Variants in SLC1A3 observed in about 807,000 individuals in gnomAD.
The protein encoded by SLC1A3 is excitatory amino acid transporter 1.
In SLC1A3, 21 loss-of-function variants were observed where a neutral mutation model predicts 48.1. The ratio of observed to expected loss-of-function variants is 0.44; its 90% confidence interval spans 0.31 to 0.63. The LOEUF (loss-of-function observed/expected upper bound fraction) is 0.63, where lower values mean the gene tolerates loss of function less well. SLC1A3 is among the 20% of genes least tolerant of loss of function. The pLI is 0.08. For missense variants in SLC1A3, 546 were observed against 689.0 expected, an observed-to-expected ratio of 0.79 and a Z score of 2.32; for synonymous variants, 239 against 251.4, an observed-to-expected ratio of 0.95 and a Z score of 0.47.
chr5:36,644,336 T>G (rs1316838348), intron 3 of SLC1A3, among the ~76,000 whole-genome samples: 1 of 152,206 alleles, frequency 6.6e-6, no homozygotes, highest in East Asian at 1.9e-4. Flanking sequence ...TTTCAAAAAT[T>G]GTAAAATTCA....
At chr5:36,673,378 TCACACA>T (rs1742074973) in intron 4 of SLC1A3, among the ~76,000 whole-genome samples, 1 of 152,280 alleles carries the variant, frequency 6.6e-6, no homozygotes, top group Admixed American at 6.5e-5. Flanking sequence ...TTGGCCAGTG[TCACACA>T]GCTGATGACA....
chr5:36,674,145 A>G (rs910300550), intron 5 of SLC1A3, 54 bp downstream of exon 5: 2 of 1,380,294 alleles, frequency 1.4e-6, no homozygotes, highest in East Asian at 2.3e-5. Flanking sequence ...TTCTATACCA[A>G]ACCAAGTGGG....
intron 3 of SLC1A3, chr5:36,636,509 C>CTTTCTT (rs1740388953): frequency 8.3e-6 from 1 of 120,072 alleles, no homozygotes; most frequent in Admixed American, 8.7e-5. Flanking sequence ...CTTTCTTTTT[C>CTTTCTT]TTTCTTTCTT....
At chr5:36,652,168 G>T (rs1438845347) in intron 3 of SLC1A3, among the ~76,000 whole-genome samples, 1 of 152,208 alleles carries the variant, frequency 6.6e-6, no homozygotes, top group Non-Finnish European at 1.5e-5. Context: ...TCTGCCGTAG[G>T]ACATGAAGTC....
chr5:36,615,520 C>G (rs1268774517), intron 2 of SLC1A3, among the ~76,000 whole-genome samples: 1 of 152,184 alleles, frequency 6.6e-6, no homozygotes, highest in Non-Finnish European at 1.5e-5. Context: ...CTTGAGGGCC[C>G]CTGGCTCTGG....
At chr5:36,679,904 A>G (rs754704599) in intron 7 of SLC1A3, 44 bp downstream of exon 7, 38 of 1,402,714 alleles carry the variant, frequency 2.7e-5, no homozygotes, top group Non-Finnish European at 3.6e-5. Context: ...TGTTACCTTG[A>G]ACCAGGGCCC....
chr5:36,608,948 T>C (rs1739081494), intron 2 of SLC1A3: 2 of 1,033,416 alleles, frequency 1.9e-6, no homozygotes, highest in Admixed American at 5.1e-5. Context: ...AATGTAATTA[T>C]ATACAATGTC....
chr5:36,604,887 C>A (rs1738862081), upstream of SLC1A3, among the ~76,000 whole-genome samples: 1 of 111,620 alleles, frequency 9.0e-6, no homozygotes, highest in South Asian at 3.4e-4. Context: ...AAGTCATTTC[C>A]ACCAAAAAAA....
chr5:36,624,578 G>A (rs1199389634), intron 2 of SLC1A3, among the ~76,000 whole-genome samples: 1 of 152,228 alleles, frequency 6.6e-6, no homozygotes, highest in Non-Finnish European at 1.5e-5. Flanking sequence ...CAATGCGTGA[G>A]GCAATGTGCT....
At chr5:36,671,938 A>G (rs371154562) in intron 4 of SLC1A3, among the ~76,000 whole-genome samples, 5 of 152,096 alleles carry the variant, frequency 3.3e-5, no homozygotes, top group African/African-American at 9.7e-5. Flanking sequence ...TCTCCCCTAC[A>G]CACCTGCCCT....
Position 36,656,848 on chromosome 5 carries a change from C to T in SLC1A3, c.320-14181C>T, listed in dbSNP as rs147961035. On this transcript the variant is annotated intron_variant, in intron 3 of 9. Transcript: ENST00000265113. ...ATGTAAACCATCGTGTATTACTATACTTCAAGGGCTGTGACCTGGAAAATC... is the reference window on the plus strand; with the variant it reads ...ATGTAAACCATCGTGTATTACTATATTTCAAGGGCTGTGACCTGGAAAATC... Among the ~76,000 whole-genome samples the T allele has an allele frequency of 5.8e-3, 886 of 152,286 alleles. 17 individuals carry two copies. The highest frequency in any genetic ancestry group is 0.02 in the African/African-American group (846 of 41,562).
intron 2 of SLC1A3, among the ~76,000 whole-genome samples, chr5:36,624,727 A>T (rs138048542): frequency 9.8e-4 from 150 of 152,358 alleles, no homozygotes; most frequent in African/African-American, 3.3e-3. Flanking sequence ...TAGTGACTGA[A>T]AATGTGTGCA....
chr5:36,600,325 C>G (rs373383084), intron 1 of SLC1A3, among the ~76,000 whole-genome samples: 2 of 152,080 alleles, frequency 1.3e-5, no homozygotes, highest in South Asian at 4.2e-4. Flanking sequence ...AAATTGAAAC[C>G]CAGACCTCAC....
Position 36,633,972 on chromosome 5 carries a change from C to G in SLC1A3, c.319+4385C>G, listed in dbSNP as rs879168106. 3.5e-4 allele frequency among the ~76,000 whole-genome samples: 53 copies of G among 152,288 alleles called. No homozygotes were observed. The South Asian group carries it at 0.01, about 29-fold the overall frequency. Reference sequence around the variant, plus strand: ...CTGGGAGCCTGAGACCCGACTCCCCCGCTCTTGTAGTATTTTTAAATGGCT... The same window carrying G: ...CTGGGAGCCTGAGACCCGACTCCCCGGCTCTTGTAGTATTTTTAAATGGCT... On this transcript the variant is annotated intron_variant, in intron 3 of 9. Transcript: ENST00000265113.
At chr5:36,640,844 A>AC (rs1185130310) in intron 3 of SLC1A3, among the ~76,000 whole-genome samples, 6 of 151,174 alleles carry the variant, frequency 4.0e-5, no homozygotes, top group Admixed American at 2.0e-4. Flanking sequence ...CTACACTGCC[A>AC]CCCCCACCTA....
At chr5:36,670,067 C>T (rs1459651245) in intron 3 of SLC1A3, 1 of 151,626 alleles carries the variant, frequency 6.6e-6, no homozygotes, top group Non-Finnish European at 1.5e-5. Context: ...GCTAATAAAA[C>T]AGAAGAGCTC....
At position 36,684,011 on chromosome 5, in the gene SLC1A3, G is replaced by C. The variant is rs974862210; in HGVS notation, c.1424+13G>C. On this transcript the variant is annotated intron_variant, in intron 9 of 9. Coordinates refer to ENST00000265113, the MANE Select transcript of SLC1A3 (RefSeq NM_004172.5). ...TGGACTGGTTCCTGTGAGTATGCTT[G>C]GCCTGCATTCCAGCTCACTGTCACA... The C allele has an allele frequency of 6.2e-7, 1 of 1,614,128 alleles. No individual in the cohort carries two copies. The highest frequency in any genetic ancestry group is 1.3e-5 in the African/African-American group (1 of 75,030).
At chr5:36,673,365 G>A (rs1437967652) in intron 4 of SLC1A3, among the ~76,000 whole-genome samples, 1 of 152,162 alleles carries the variant, frequency 6.6e-6, no homozygotes, top group East Asian at 1.9e-4. Flanking sequence ...TGGGTGCCAT[G>A]ACTTGGCCAG....
At chr5:36,677,727 C>T (rs1026522765) in intron 6 of SLC1A3, among the ~76,000 whole-genome samples, 3 of 152,152 alleles carry the variant, frequency 2.0e-5, no homozygotes, top group Admixed American at 6.5e-5. Flanking sequence ...GAGGAGGTGA[C>T]GTACTTTGTT....
Sources: allele counts gnomAD v4.1 joint callset (sites outside exome capture counted in the v4.1 genomes callset), GRCh38; gene constraint gnomAD v4.1.1; transcripts MANE v1.5; gene names NCBI Gene and HGNC (gene_info 2026-07-23, HGNC 2026-07-21).